Variants in ERICH1 observed in about 807,000 individuals in gnomAD.
ERICH1 encodes the protein glutamate rich 1.
ERICH1 carries 56 observed loss-of-function variants against 39.6 expected under a neutral mutation model. The ratio of observed to expected loss-of-function variants is 1.41; its 90% CI spans 1.14 to 1.77. The LOEUF (loss-of-function observed/expected upper bound fraction) is 1.77, where lower values mean the gene tolerates loss of function less well. Among genes scored for constraint, ERICH1 ranks in the 40% most tolerant of loss-of-function variants. The pLI is 0.00. For synonymous variants in ERICH1, 313 were observed against 223.6 expected (o/e 1.40, Z -3.57); for missense variants, 826 against 575.4 (o/e 1.44, Z -4.45).
At chr8:712,506 A>T (rs1703951) in intron 2 of ERICH1, among the ~76,000 whole-genome samples, 41,402 of 151,894 alleles carry the variant, frequency 0.27, 5,813 homozygotes, top group East Asian at 0.41. Context: ...CTCGGCTCAC[A>T]GCAACCTCTG....
intron 2 of ERICH1, among the ~76,000 whole-genome samples, chr8:699,778 C>T (rs576713135): frequency 4.4e-4 from 44 of 99,630 alleles, no homozygotes; most frequent in African/African-American, 1.5e-3. Flanking sequence ...CGCACAGACC[C>T]GCACACGCGC....
chr8:659,029 C>T (rs1348484936), intron 3 of ERICH1, among the ~76,000 whole-genome samples: 1 of 113,014 alleles, frequency 8.8e-6, no homozygotes, highest in East Asian at 3.0e-4. Context: ...GGGTGACCAT[C>T]GAGATCTCCG....
At chr8:728,891 T>C (rs1452503638) in intron 1 of ERICH1, among the ~76,000 whole-genome samples, 1 of 152,102 alleles carries the variant, frequency 6.6e-6, no homozygotes, top group Non-Finnish European at 1.5e-5. Flanking sequence ...CATTAGCAGA[T>C]TATATTGCCT....
In ERICH1 at chr8:692,714, G is replaced by C. The variant is rs898879228; in HGVS notation, c.170-102C>G. 39 of 1,318,042 alleles carry C rather than the reference G, an allele frequency of 3.0e-5. 1 individual carries two copies. The Admixed American group carries it at 9.8e-4, about 33-fold the overall frequency. 81.6% of individuals were successfully genotyped at this position (1,318,042 alleles called of 1,614,324 possible). ...GCATTGTTTCTCTAAATTCATTCAA[G>C]ACATGAAATCAAAGAGCTCAATAAA... is the stretch of plus-strand genomic sequence containing the variant. On this transcript the variant is annotated intron_variant, in intron 2 of 5. Transcript: ENST00000262109.
intron 3 of ERICH1, chr8:616,410 G>C (rs939372772): frequency 1.3e-5 from 5 of 398,880 alleles, no homozygotes; most frequent in Non-Finnish European, 2.0e-5. Context: ...ACGTGTGTGA[G>C]GCTGACCGAA....
intron 2 of ERICH1, among the ~76,000 whole-genome samples, chr8:713,810 G>C (rs187459635): frequency 6.6e-6 from 1 of 152,178 alleles, no homozygotes; most frequent in African/African-American, 2.4e-5. Flanking sequence ...CAAATGCGTG[G>C]AGAACAAATG....
chr8:723,920 A>G (rs1478824026), intron 1 of ERICH1, among the ~76,000 whole-genome samples: 1 of 152,234 alleles, frequency 6.6e-6, no homozygotes, highest in African/African-American at 2.4e-5. Context: ...ATCACTTCAC[A>G]AGAAAGAAAA....
At chr8:719,122 G>A (rs1370776148) in intron 1 of ERICH1, among the ~76,000 whole-genome samples, 2 of 152,040 alleles carry the variant, frequency 1.3e-5, no homozygotes, top group Non-Finnish European at 1.5e-5. Flanking sequence ...CTGAGAGCCC[G>A]ACCCTCGGGG....
chr8:650,049 G>A (rs1265551815), intron 3 of ERICH1, among the ~76,000 whole-genome samples: 1 of 152,236 alleles, frequency 6.6e-6, no homozygotes, highest in Non-Finnish European at 1.5e-5. Context: ...CGCGACCTGC[G>A]TGTCCTGCTC....
intron 3 of ERICH1, chr8:626,071 T>C (rs1188374429): frequency 6.6e-6 from 1 of 152,238 alleles, no homozygotes; most frequent in Non-Finnish European, 1.5e-5. Context: ...CTTTTGAACA[T>C]GTGAATCGTT....
rs975598822 is a variant in ERICH1 at position 685,385 on chromosome 8, G to A, written c.304+7093C>T. ...TGTCAAGATGCCCAGATTTCATATT[G>A]TTCAAACACACATGCTTTACGAACA... is the stretch of plus-strand genomic sequence containing the variant. On this transcript the variant is annotated intron_variant, in intron 3 of 5. Coordinates refer to ENST00000262109, the MANE Select transcript of ERICH1 (RefSeq NM_207332.3). 2.0e-5 allele frequency among the ~76,000 whole-genome samples: 3 copies of A among 152,114 alleles called. No individual in the cohort carries two copies. The East Asian group carries it at 5.8e-4, about 29-fold the overall frequency.
chr8:665,196 G>GATGT (rs1802003612), intron 5 of ERICH1, among the ~76,000 whole-genome samples: 1 of 109,260 alleles, frequency 9.2e-6, no homozygotes, highest in African/African-American at 4.3e-5. Flanking sequence ...AATCGCCCCT[G>GATGT]ATGTCACCAC....
At chr8:639,164 G>C (rs966926122) in intron 3 of ERICH1, among the ~76,000 whole-genome samples, 1 of 152,078 alleles carries the variant, frequency 6.6e-6, no homozygotes, top group Admixed American at 6.6e-5. Context: ...CCCGGGTCTT[G>C]GATTCTGCTT....
chr8:638,934 C>G (rs889080879), intron 3 of ERICH1, among the ~76,000 whole-genome samples: 9 of 152,128 alleles, frequency 5.9e-5, no homozygotes, highest in African/African-American at 1.9e-4. Flanking sequence ...CCTGACAAGA[C>G]AGTTTTGAAC....
At chr8:652,270 G>A (rs770609259) in intron 3 of ERICH1, among the ~76,000 whole-genome samples, 41 of 152,248 alleles carry the variant, frequency 2.7e-4, no homozygotes, top group Non-Finnish European at 4.3e-4. Flanking sequence ...CGTGATGGAG[G>A]GAGAAGCTGT....
At chr8:722,582 T>G (rs1817579071) in intron 1 of ERICH1, among the ~76,000 whole-genome samples, 1 of 152,206 alleles carries the variant, frequency 6.6e-6, no homozygotes, top group Non-Finnish European at 1.5e-5. Flanking sequence ...GTGAACCTAT[T>G]CAATTCTAAA....
At chr8:632,354 G>A (rs1798095187) in intron 3 of ERICH1, among the ~76,000 whole-genome samples, 1 of 151,948 alleles carries the variant, frequency 6.6e-6, no homozygotes, top group African/African-American at 2.4e-5. Flanking sequence ...GAATGCCAAG[G>A]CTGCAAGAAA....
chr8:677,452 G>C (rs1805107629), intron 3 of ERICH1, among the ~76,000 whole-genome samples: 1 of 152,210 alleles, frequency 6.6e-6, no homozygotes. Flanking sequence ...CCAAGATGAA[G>C]CCGCCAAGCC....
At position 653,724 on chromosome 8, in the gene ERICH1, C is replaced by T. The variant is rs148110394; in HGVS notation, c.976+14874G>A. Among the ~76,000 whole-genome samples the T allele has an allele frequency of 4.5e-3, 679 of 152,342 alleles. 5 individuals are homozygous for T. Among genetic ancestry groups the T allele is most frequent in the Admixed American group, 9.1e-3 (140 of 15,302 alleles). On this transcript the variant is annotated intron_variant, in intron 3 of 3. Coordinates refer to the ERICH1 transcript ENST00000522706. ...GGGAGTCTGGACACAGGCTATAACACGAGGAACCCTGAGGATGTTATGCTG... is the reference window on the plus strand; with the variant it reads ...GGGAGTCTGGACACAGGCTATAACATGAGGAACCCTGAGGATGTTATGCTG...
Sources: allele counts gnomAD v4.1 joint callset (sites outside exome capture counted in the v4.1 genomes callset), GRCh38; gene constraint gnomAD v4.1.1; transcripts MANE v1.5; gene names NCBI Gene and HGNC (gene_info 2026-07-23, HGNC 2026-07-21).